The following LAMA2 variants were observed in gnomAD, a reference collection of about 807,000 sequenced individuals.
The protein encoded by LAMA2 is laminin subunit alpha 2.
In LAMA2, 269 loss-of-function variants were observed where a neutral mutation model predicts 364.8. The ratio of observed to expected loss-of-function variants is 0.74; its 90% CI spans 0.67 to 0.82. The LOEUF is 0.82. Ranked by LOEUF, LAMA2 falls within the 40% of genes least tolerant of loss-of-function variation. LAMA2 has a pLI of 0.00. For missense variants in LAMA2, 3,807 were observed against 3,873.2 expected, an observed-to-expected ratio of 0.98 and a Z score of 0.45; for synonymous variants, 1,379 against 1,370.6, an observed-to-expected ratio of 1.01 and a Z score of -0.14.
intron 12 of LAMA2, among the ~76,000 whole-genome samples, chr6:129,248,352 G>A (rs1357824325): frequency 6.6e-6 from 1 of 152,122 alleles, no homozygotes; most frequent in East Asian, 1.9e-4. Context: ...AAACACATTA[G>A]CAAATCAAGT....
chr6:129,014,476 C>T (rs1784958412), intron 1 of LAMA2, among the ~76,000 whole-genome samples: 1 of 152,054 alleles, frequency 6.6e-6, no homozygotes, highest in Non-Finnish European at 1.5e-5. Context: ...AGTTTTTCAT[C>T]ATCCTATTCT....
chr6:128,902,246 C>T (rs1362818249), intron 1 of LAMA2, among the ~76,000 whole-genome samples: 1 of 152,196 alleles, frequency 6.6e-6, no homozygotes, highest in Non-Finnish European at 1.5e-5. Context: ...TGTGAGGACA[C>T]TGAGCCAGAC....
intron 4 of LAMA2, among the ~76,000 whole-genome samples, chr6:129,136,886 T>C (rs1477057968): frequency 6.6e-6 from 1 of 152,164 alleles, no homozygotes; most frequent in East Asian, 1.9e-4. Flanking sequence ...TAGTGGTCAG[T>C]GTTCCTTTTA....
chr6:129,210,197 C>G (rs1449129017), intron 12 of LAMA2, among the ~76,000 whole-genome samples: 1 of 151,844 alleles, frequency 6.6e-6, no homozygotes, highest in Non-Finnish European at 1.5e-5. Context: ...GTTCCCTAGA[C>G]TTTGACTTTC....
intron 62 of LAMA2, among the ~76,000 whole-genome samples, chr6:129,508,364 T>C (rs1447252461): frequency 6.6e-6 from 1 of 152,218 alleles, no homozygotes; most frequent in Non-Finnish European, 1.5e-5. Context: ...CATGTATCCT[T>C]TATGTTTCAA....
At chr6:128,942,306 A>T (rs1199927719) in intron 1 of LAMA2, among the ~76,000 whole-genome samples, 1 of 152,174 alleles carries the variant, frequency 6.6e-6, no homozygotes, top group East Asian at 1.9e-4. Flanking sequence ...AGAGCTTTTA[A>T]AATAACAGTA....
intron 18 of LAMA2, among the ~76,000 whole-genome samples, chr6:129,282,238 CTGTTCAATT>C (rs1788770903): frequency 6.6e-6 from 1 of 152,196 alleles, no homozygotes; most frequent in South Asian, 2.1e-4. Flanking sequence ...ATTAAGAAAT[CTGTTCAATT>C]TGTTTAGCTC....
chr6:129,475,481 G>A, intron 53 of LAMA2, 80 bp downstream of exon 53: 3 of 1,007,346 alleles, frequency 3.0e-6, no homozygotes, highest in Non-Finnish European at 4.6e-6. Context: ...CAGCCGTGCA[G>A]AAGCAGAGCA....
intron 20 of LAMA2, among the ~76,000 whole-genome samples, chr6:129,292,148 C>G (rs572337272): frequency 6.6e-6 from 1 of 152,252 alleles, no homozygotes; most frequent in South Asian, 2.1e-4. Flanking sequence ...AGTTCAAGAA[C>G]AGCCTGGCCA....
At chr6:129,382,353 A>G (rs576122909) in intron 34 of LAMA2, among the ~76,000 whole-genome samples, 1 of 152,364 alleles carries the variant, frequency 6.6e-6, no homozygotes, top group Admixed American at 6.5e-5. Flanking sequence ...TTGACTAAAT[A>G]TGGTATATTT....
intron 1 of LAMA2, among the ~76,000 whole-genome samples, chr6:128,955,956 G>A (rs924956092): frequency 6.6e-6 from 1 of 151,806 alleles, no homozygotes; most frequent in Non-Finnish European, 1.5e-5. Context: ...TGTTCCTTGA[G>A]CAAGAAGAAA....
intron 10 of LAMA2, among the ~76,000 whole-genome samples, chr6:129,181,425 A>G (rs929906284): frequency 6.6e-6 from 1 of 152,096 alleles, no homozygotes; most frequent in African/African-American, 2.4e-5. Flanking sequence ...TTATAAAAGC[A>G]TGATTAGAAG....
At chr6:129,067,180 T>A (rs1319994913) in intron 3 of LAMA2, among the ~76,000 whole-genome samples, 1 of 152,166 alleles carries the variant, frequency 6.6e-6, no homozygotes, top group Non-Finnish European at 1.5e-5. Flanking sequence ...GCTAAATTGG[T>A]GAATACCAAA....
rs531350653 is a variant in LAMA2, at chr6:129,503,106, G to A, written c.8373G>A (p.Leu2791=). ...TGTTTCACAGTCTCACAATTGAGTT[G>A]GAAGTAAGAACCGAAGCTGAATCCG... ...TKVKNRLTIE[L]EVRTEAESGL... is the part of the protein sequence containing the mutation. The change falls in exon 60 of 65, where the codon TTG becomes TTA. Residue 2791 remains leucine, a synonymous_variant. Coordinates refer to ENST00000421865, the MANE Select transcript of LAMA2 (RefSeq NM_000426.4). 4 of 1,614,070 alleles carry A rather than the reference G, an allele frequency of 2.5e-6. No individual in the cohort carries two copies. In the South Asian group the frequency reaches 3.3e-5, roughly 13 times the overall value.
intron 32 of LAMA2, 82 bp from the exon 33 acceptor site, chr6:129,366,137 A>C (rs1010631074): frequency 2.1e-5 from 30 of 1,453,452 alleles, no homozygotes; most frequent in Admixed American, 1.8e-4. Context: ...TGGACCATAA[A>C]ATATTTCATA....
At chr6:129,375,230 C>G (rs889525859) in intron 34 of LAMA2, among the ~76,000 whole-genome samples, 1 of 152,120 alleles carries the variant, frequency 6.6e-6, no homozygotes, top group Non-Finnish European at 1.5e-5. Flanking sequence ...TTATTTTACT[C>G]ACTGGAAGAA....
intron 22 of LAMA2, among the ~76,000 whole-genome samples, chr6:129,310,145 C>T (rs1039129187): frequency 5.9e-5 from 9 of 152,032 alleles, no homozygotes; most frequent in East Asian, 3.9e-4. Flanking sequence ...GTGATCCGCC[C>T]GCCTCGGCCT....
At chr6:129,054,695 A>G (rs1788343844) in intron 2 of LAMA2, among the ~76,000 whole-genome samples, 1 of 148,518 alleles carries the variant, frequency 6.7e-6, no homozygotes, top group African/African-American at 2.4e-5. Context: ...CTTATATAAT[A>G]TTAAATAAAT....
At chr6:129,192,622 G>A in intron 11 of LAMA2, 58 bp from the exon 12 acceptor site, 1 of 1,517,208 alleles carries the variant, frequency 6.6e-7, no homozygotes, top group Non-Finnish European at 9.1e-7. Context: ...ACATGAAAGA[G>A]AAAAGCAGCT....
Sources: gnomAD v4.1 joint callset for allele counts (sites outside exome capture counted in the v4.1 genomes callset) on GRCh38, gnomAD v4.1.1 for gene constraint, MANE v1.5 for transcripts, NCBI Gene and HGNC (gene_info 2026-07-23, HGNC 2026-07-21) for gene names.